ARHGAP5: variants seen among roughly 807,000 people sequenced by gnomAD.
ARHGAP5 encodes Rho GTPase activating protein 5, also known as rho GTPase-activating protein 5.
A neutral mutation model predicts 116.6 loss-of-function variants in ARHGAP5; 23 were observed. That is an observed-to-expected ratio of 0.20 (90% CI 0.14 to 0.28). The LOEUF is 0.28. Ranked by LOEUF, ARHGAP5 falls within the 10% of genes least tolerant of loss-of-function variation. The pLI, the probability that ARHGAP5 is intolerant of heterozygous loss-of-function variation, is 1.00. For missense variants in ARHGAP5, 1,405 were observed against 1,774.8 expected, an observed-to-expected ratio of 0.79 and a Z score of 3.74; for synonymous variants, 574 against 602.0, an observed-to-expected ratio of 0.95 and a Z score of 0.68.
rs1424444884 is a variant in ARHGAP5 at position 32,146,349 on chromosome 14, A to T, written c.3943+9A>T. 6.3e-7 allele frequency: 1 copy of T among 1,587,562 alleles called. No homozygotes were observed. Among genetic ancestry groups the T allele is most frequent in the Non-Finnish European group, 8.6e-7 (1 of 1,157,870 alleles). On this transcript the variant is annotated intron_variant, in intron 4 of 6. Coordinates refer to ENST00000345122, the MANE Select transcript of ARHGAP5 (RefSeq NM_001030055.2). The stretch of plus-strand genomic sequence containing the variant: ...AAAGCAGTTTGATCAAGGTAAGAAG[A>T]TGATTATGTGAAATAAAAATTGTTG...
rs1594379156 is a variant in ARHGAP5 at position 32,130,307 on chromosome 14, G to A, written c.3865+13020G>A. 1.3e-5 allele frequency among the ~76,000 whole-genome samples: 2 copies of A among 148,994 alleles called. 1 individual carries two copies. Among genetic ancestry groups the A allele is most frequent in the African/African-American group, 4.9e-5 (2 of 40,512 alleles). On this transcript the variant is annotated intron_variant, in intron 3 of 6. Coordinates refer to ENST00000345122, the MANE Select transcript of ARHGAP5 (RefSeq NM_001030055.2). ...GCTCACTGCAACCTCTACCGCCCAG[G>A]TTCAAGTGATTCTCCTGCCTCAGAC...
intron 3 of ARHGAP5, among the ~76,000 whole-genome samples, chr14:32,118,972 G>T (rs879466612): frequency 1.3e-5 from 2 of 152,092 alleles, no homozygotes; most frequent in Non-Finnish European, 2.9e-5. Context: ...TGCAGGTCTA[G>T]TCCAATTCTT....
At chr14:32,081,548 CA>C (rs529516365) in intron 1 of ARHGAP5, among the ~76,000 whole-genome samples, 962 of 48,878 alleles carry the variant, frequency 0.02, 4 homozygotes, top group African/African-American at 0.054. Context: ...GACTCCTTCT[CA>C]AAAAAAAAAA....
rs1881811592 is a variant in ARHGAP5, at chr14:32,154,717, G to T, written c.4278G>T (p.Glu1426Asp). 3.7e-6 allele frequency: 6 copies of T among 1,614,062 alleles called. No individual in the cohort carries two copies. The highest frequency in any genetic ancestry group is 5.1e-6 in the Non-Finnish European group (6 of 1,179,948). Residue 1426 changes from glutamate to aspartate, a missense_variant, in exon 7 of 7, where the codon GAG becomes GAT. By Grantham distance (45) the Glu-to-Asp change is conservative (BLOSUM62 2). Coordinates refer to ENST00000345122, the MANE Select transcript of ARHGAP5 (RefSeq NM_001030055.2). The part of the protein sequence containing the change: ...TLMRPDFENR[E>D]FLSTTKIHQS... The stretch of plus-strand genomic sequence containing the variant: ...TGAGACCTGATTTTGAAAATCGAGA[G>T]TTTCTGTCTACTACTAAGATTCATC...
At chr14:32,145,637 A>T (rs1356205442) in intron 3 of ARHGAP5, among the ~76,000 whole-genome samples, 1 of 152,002 alleles carries the variant, frequency 6.6e-6, no homozygotes. Context: ...TTTCTAAGTC[A>T]TTAGCCGGTT....
intron 2 of ARHGAP5, among the ~76,000 whole-genome samples, chr14:32,097,713 A>C (rs758904454): frequency 6.6e-6 from 1 of 152,184 alleles, no homozygotes; most frequent in Non-Finnish European, 1.5e-5. Context: ...TGTAAAGGCC[A>C]AAAAGGATTA....
Position 32,156,627 on chromosome 14 carries a change from A to AT in ARHGAP5, c.*1684dup, listed in dbSNP as rs1012662347. 6.6e-6 allele frequency: 1 copy of AT among 152,320 alleles called. No homozygotes were observed. Among genetic ancestry groups the AT allele is most frequent in the Non-Finnish European group, 1.5e-5 (1 of 67,792 alleles). 9.4% of individuals were successfully genotyped at this position (152,320 alleles called of 1,614,324 possible). ...ACACAGGAATTAAGAAAGTACAGTA[A>AT]TTTTTAAAAAAAAATCCGGTAAATG... On this transcript the variant is annotated 3_prime_UTR_variant, in exon 7 of 7. Transcript: ENST00000345122.
chr14:32,093,243 A>T lies in ARHGAP5; in HGVS notation c.2574A>T (p.Lys858Asn). 1.2e-6 allele frequency: 2 copies of T among 1,613,808 alleles called. No homozygotes were observed. Among genetic ancestry groups the T allele is most frequent in the Admixed American group, 3.3e-5 (2 of 59,978 alleles). Residue 858 changes from lysine to asparagine, a missense_variant, in exon 2 of 7, where the codon AAA becomes AAT. Around this residue, in one of 6 missense-constraint regions of ARHGAP5, gnomAD observed 944 missense variants for 1,095.3 expected, o/e 0.86. Coordinates refer to ENST00000345122, the MANE Select transcript of ARHGAP5 (RefSeq NM_001030055.2). The part of the protein sequence containing the change: ...VHGYILVYSA[K>N]RKASMGMLRA... Reference sequence around the variant, plus strand: ...GGTATATATTAGTTTACTCTGCAAAACGGAAAGCTTCGATGGGAATGCTTC... The same window carrying T: ...GGTATATATTAGTTTACTCTGCAAATCGGAAAGCTTCGATGGGAATGCTTC...
chr14:32,102,859 A>G (rs1054848350), intron 2 of ARHGAP5, among the ~76,000 whole-genome samples: 7 of 152,256 alleles, frequency 4.6e-5, no homozygotes, highest in Non-Finnish European at 7.3e-5. Flanking sequence ...GTAAATGCCT[A>G]CTGTGCCTGA....
rs144680817 is a variant in ARHGAP5, at chr14:32,159,011, G to A, written c.*4063G>A. The A allele has an allele frequency of 1.8e-3, 269 of 152,120 alleles. 1 individual carries two copies. The highest frequency in any genetic ancestry group is 6.2e-3 in the African/African-American group (258 of 41,534). 9.4% of individuals were successfully genotyped at this position (152,120 alleles called of 1,614,324 possible). On this transcript the variant is annotated 3_prime_UTR_variant, in exon 7 of 7. Coordinates refer to ENST00000345122, the MANE Select transcript of ARHGAP5 (RefSeq NM_001030055.2). ...ATGAGTTTTCTTTGTCAGGGGGAGA[G>A]GAGTGGGAAGAGTCACAGAATCTCA...
At chr14:32,089,545 T>C (rs72664669) in intron 1 of ARHGAP5, among the ~76,000 whole-genome samples, 6,395 of 152,004 alleles carry the variant, frequency 0.042, 176 homozygotes, top group Middle Eastern at 0.058. Flanking sequence ...TAATCAAAAT[T>C]AAATTTTATG....
In ARHGAP5 at chr14:32,127,786, G is replaced by A. The variant is rs559158417; in HGVS notation, c.3865+10499G>A. 2.4e-3 allele frequency among the ~76,000 whole-genome samples: 369 copies of A among 150,892 alleles called. 1 individual carries two copies. The highest frequency in any genetic ancestry group is 6.9e-3 in the Middle Eastern group (2 of 288). Reference sequence around the variant, plus strand: ...GCCTCCCCACCCCCGAGACAGGGCGGCTGGAGGCGCCCCCCACCTCCCAGA... The same window carrying A: ...GCCTCCCCACCCCCGAGACAGGGCGACTGGAGGCGCCCCCCACCTCCCAGA... On this transcript the variant is annotated intron_variant, in intron 3 of 6. Transcript: ENST00000345122.
In ARHGAP5 at chr14:32,091,680, G is replaced by A. The variant is rs774874913; in HGVS notation, c.1011G>A (p.Glu337=). 1.2e-6 allele frequency: 2 copies of A among 1,609,406 alleles called. No individual in the cohort carries two copies. Among genetic ancestry groups the A allele is most frequent in the Non-Finnish European group, 1.7e-6 (2 of 1,178,450 alleles). The change falls in exon 2 of 7, where the codon GAG becomes GAA. Residue 337 remains glutamate (E), a synonymous_variant. Coordinates refer to ENST00000345122, the MANE Select transcript of ARHGAP5 (RefSeq NM_001030055.2). Reference sequence around the variant, plus strand: ...AACATATAAGAAAAAGGAGAGAAGAGTATATAAATACTTTACCAAGAGCTT... The same window carrying A: ...AACATATAAGAAAAAGGAGAGAAGAATATATAAATACTTTACCAAGAGCTT... ...KQEHIRKRRE[E]YINTLPRAFN...
intron 3 of ARHGAP5, among the ~76,000 whole-genome samples, chr14:32,139,015 T>C (rs1880957974): frequency 6.6e-6 from 1 of 152,068 alleles, no homozygotes; most frequent in Admixed American, 6.5e-5. Flanking sequence ...ATCAGACTAA[T>C]TGTTTTCCAT....
chr14:32,125,562 C>A (rs1015540177), intron 3 of ARHGAP5, among the ~76,000 whole-genome samples: 2 of 152,174 alleles, frequency 1.3e-5, no homozygotes, highest in Non-Finnish European at 2.9e-5. Context: ...CAAATTGTTT[C>A]CACAGTGGAT....
chr14:32,082,580 C>T (rs1264069133), intron 1 of ARHGAP5, among the ~76,000 whole-genome samples: 2 of 151,986 alleles, frequency 1.3e-5, no homozygotes, highest in Admixed American at 6.6e-5. Context: ...GGGTCTTGCT[C>T]TGTCACCCAG....
chr14:32,106,263 G>C (rs879816768), intron 2 of ARHGAP5, among the ~76,000 whole-genome samples: 3 of 152,134 alleles, frequency 2.0e-5, no homozygotes, highest in Non-Finnish European at 4.4e-5. Flanking sequence ...TGGGATTACA[G>C]ATGCCCACCA....
intron 1 of ARHGAP5, among the ~76,000 whole-genome samples, chr14:32,081,184 G>A (rs1336738668): frequency 6.6e-6 from 1 of 152,142 alleles, no homozygotes; most frequent in African/African-American, 2.4e-5. Flanking sequence ...ATTTAGGGAA[G>A]TACATACTGA....
At chr14:32,142,966 C>T (rs764752760) in intron 3 of ARHGAP5, among the ~76,000 whole-genome samples, 3 of 152,118 alleles carry the variant, frequency 2.0e-5, no homozygotes, top group Non-Finnish European at 4.4e-5. Context: ...ATTATTTATA[C>T]ACCTTGCATC....
Sources: gnomAD v4.1 joint callset for allele counts (sites outside exome capture counted in the v4.1 genomes callset) on GRCh38, gnomAD v4.1.1 for gene constraint, gnomAD v4.1.1 regional missense constraint, MANE v1.5 for transcripts, NCBI Gene and HGNC (gene_info 2026-07-23, HGNC 2026-07-21) for gene names.